NAV2: variants seen among roughly 807,000 people sequenced by gnomAD.
NAV2 encodes the protein helicase, APC down-regulated 1.
In NAV2, 54 loss-of-function variants were observed where a neutral mutation model predicts 223.2. The observed-to-expected ratio is 0.24, with a 90% CI of 0.19 to 0.30. NAV2 has a LOEUF of 0.30. NAV2 is among the 10% of genes least tolerant of loss of function. The pLI is 1.00. For synonymous variants in NAV2, 1,279 were observed against 1,239.3 expected (o/e 1.03, Z -0.67); for missense variants, 2,806 against 3,147.5 (o/e 0.89, Z 2.60).
intron 1 of NAV2, among the ~76,000 whole-genome samples, chr11:19,601,450 G>A (rs915894750): frequency 6.6e-6 from 1 of 152,138 alleles, no homozygotes; most frequent in Admixed American, 6.6e-5. Context: ...GTGCTCTTGG[G>A]TATGTGTGTC....
rs917827543 is a variant in NAV2, at chr11:19,896,047, G to A, written c.931+3453G>A. On this transcript the variant is annotated intron_variant, in intron 6 of 37. Coordinates refer to ENST00000349880, the MANE Select transcript of NAV2 (RefSeq NM_145117.5). ...ACTGTTTTCAGGTGAGGTAAAGTCCGTGATGTAATCCCATCACCCCTGCTC... is the reference window on the plus strand; with the variant it reads ...ACTGTTTTCAGGTGAGGTAAAGTCCATGATGTAATCCCATCACCCCTGCTC... Among the ~76,000 whole-genome samples the A allele has an allele frequency of 5.9e-5, 9 of 152,182 alleles. No homozygotes were observed. The South Asian group carries it at 8.3e-4, about 14-fold the overall frequency.
At chr11:19,846,589 A>G (rs1486992344) in intron 3 of NAV2, among the ~76,000 whole-genome samples, 1 of 151,730 alleles carries the variant, frequency 6.6e-6, no homozygotes, top group African/African-American at 2.4e-5. Flanking sequence ...ATATTTTTAT[A>G]TTAGCACTAA....
At chr11:19,438,536 C>A (rs34052670) in intron 1 of NAV2, among the ~76,000 whole-genome samples, 1 of 152,188 alleles carries the variant, frequency 6.6e-6, no homozygotes, top group Non-Finnish European at 1.5e-5. Flanking sequence ...AACCAATTTT[C>A]ATACTCTCCA....
chr11:19,531,827 C>T (rs951972353), intron 1 of NAV2, among the ~76,000 whole-genome samples: 6 of 151,996 alleles, frequency 3.9e-5, no homozygotes, highest in African/African-American at 1.5e-4. Flanking sequence ...TATTTACTAC[C>T]AAGAAAAAGC....
chr11:19,686,039 ACTG>A (rs1565167110), intron 1 of NAV2, among the ~76,000 whole-genome samples: 2 of 151,994 alleles, frequency 1.3e-5, no homozygotes, highest in Non-Finnish European at 2.9e-5. Flanking sequence ...CTCTTCTCAC[ACTG>A]CTCCCCCAGC....
At chr11:19,610,948 C>T (rs1183821552) in intron 1 of NAV2, among the ~76,000 whole-genome samples, 1 of 152,138 alleles carries the variant, frequency 6.6e-6, no homozygotes, top group Non-Finnish European at 1.5e-5. Flanking sequence ...CCAGCCCCTT[C>T]CTGGGTGAGA....
chr11:19,993,781 A>G (rs1002601069), intron 11 of NAV2, among the ~76,000 whole-genome samples: 4 of 152,230 alleles, frequency 2.6e-5, no homozygotes, highest in African/African-American at 7.2e-5. Context: ...AAGGAATTTT[A>G]TTCAATGCTA....
At chr11:19,775,852 G>A (rs1242322345) in intron 1 of NAV2, among the ~76,000 whole-genome samples, 1 of 152,162 alleles carries the variant, frequency 6.6e-6, no homozygotes, top group Non-Finnish European at 1.5e-5. Context: ...AAAGAAAGCA[G>A]ACCACTGTTG....
chr11:19,414,012 T>A (rs1850257321), intron 1 of NAV2, among the ~76,000 whole-genome samples: 4 of 152,154 alleles, frequency 2.6e-5, no homozygotes, highest in Admixed American at 2.6e-4. Context: ...CTGCATCAAC[T>A]AACAGGCAAA....
At chr11:19,531,766 G>A (rs2044033745) in intron 1 of NAV2, among the ~76,000 whole-genome samples, 2 of 152,154 alleles carry the variant, frequency 1.3e-5, no homozygotes, top group Admixed American at 1.3e-4. Context: ...GGGTAAATAT[G>A]TCCAATATTT....
At position 20,035,941 on chromosome 11, in the gene NAV2, G is replaced by C. The variant is rs776930461; in HGVS notation, c.2769-18G>C. 15 of 1,613,946 alleles carry C rather than the reference G, an allele frequency of 9.3e-6. No individual in the cohort carries two copies. The African/African-American group carries it at 2.0e-4, about 22-fold the overall frequency. On this transcript the variant is annotated intron_variant, in intron 11 of 37. Coordinates refer to ENST00000349880, the MANE Select transcript of NAV2 (RefSeq NM_145117.5). ...AGCCTGAGGTTTTGGTGCTCAGGAT[G>C]TGTGTTTGTCTTGGCAGCTGGGACG...
intron 1 of NAV2, among the ~76,000 whole-genome samples, chr11:19,449,071 G>T (rs1391970209): frequency 6.6e-6 from 1 of 152,112 alleles, no homozygotes; most frequent in Non-Finnish European, 1.5e-5. Context: ...CTTGAGCAAG[G>T]CCTGAAATTG....
intron 1 of NAV2, among the ~76,000 whole-genome samples, chr11:19,358,935 A>G (rs907567983): frequency 2.0e-5 from 3 of 152,206 alleles, no homozygotes; most frequent in African/African-American, 4.8e-5. Context: ...GTGTAAATCT[A>G]TATTTAATTG....
chr11:19,460,797 T>A (rs936315861), intron 1 of NAV2, among the ~76,000 whole-genome samples: 1 of 152,008 alleles, frequency 6.6e-6, no homozygotes, highest in Non-Finnish European at 1.5e-5. Flanking sequence ...TAAAAAAAAA[T>A]TCCCTTGGGT....
intron 1 of NAV2, among the ~76,000 whole-genome samples, chr11:19,580,071 A>G (rs1257850664): frequency 1.3e-5 from 2 of 152,184 alleles, no homozygotes; most frequent in African/African-American, 4.8e-5. Context: ...GGAAAGCTCT[A>G]TGAATGGGAT....
At chr11:20,030,869 G>C (rs1251052951) in intron 11 of NAV2, among the ~76,000 whole-genome samples, 2 of 152,216 alleles carry the variant, frequency 1.3e-5, no homozygotes, top group Non-Finnish European at 2.9e-5. Context: ...TGTTTTGTCA[G>C]ATCCTGTTAT....
chr11:19,522,131 G>A (rs1043678306), intron 1 of NAV2, among the ~76,000 whole-genome samples: 1 of 152,158 alleles, frequency 6.6e-6, no homozygotes, highest in Non-Finnish European at 1.5e-5. Flanking sequence ...GTTGGTGCCC[G>A]ACATACGCCA....
chr11:19,767,614 A>G (rs1018508135), intron 1 of NAV2, among the ~76,000 whole-genome samples: 2 of 152,246 alleles, frequency 1.3e-5, no homozygotes, highest in Non-Finnish European at 2.9e-5. Flanking sequence ...AGCACTGATC[A>G]TGTGACAGGC....
intron 1 of NAV2, among the ~76,000 whole-genome samples, chr11:19,798,304 G>A (rs981412820): frequency 2.0e-5 from 3 of 152,172 alleles, no homozygotes; most frequent in Non-Finnish European, 4.4e-5. Flanking sequence ...CTGCTTGACC[G>A]CTCCAACTTC....
Sources: gnomAD v4.1 joint callset for allele counts (sites outside exome capture counted in the v4.1 genomes callset) on GRCh38, gnomAD v4.1.1 for gene constraint, MANE v1.5 for transcripts, NCBI Gene and HGNC (gene_info 2026-07-23, HGNC 2026-07-21) for gene names.